The following GPR176 variants were observed in gnomAD, a reference collection of about 807,000 sequenced individuals.
The protein encoded by GPR176 is G-protein coupled receptor 176.
GPR176 carries 26 observed loss-of-function variants against 35.4 expected under a neutral mutation model. That is an observed-to-expected ratio of 0.74 (90% CI 0.54 to 1.02). The LOEUF (loss-of-function observed/expected upper bound fraction) is 1.02. Among genes scored for constraint, GPR176 ranks in the 50% least tolerant of loss-of-function variants. The pLI is 0.00. For synonymous variants in GPR176, 278 were observed against 271.3 expected (o/e 1.02, Z -0.24); for missense variants, 597 against 665.3 (o/e 0.90, Z 1.13).
At chr15:39,825,929 G>A (rs1302415409) in intron 1 of GPR176, among the ~76,000 whole-genome samples, 1 of 152,160 alleles carries the variant, frequency 6.6e-6, no homozygotes, top group Non-Finnish European at 1.5e-5. Flanking sequence ...AAGTAATCCA[G>A]CTGGTTCAGG....
intron 2 of GPR176, 133 bp downstream of exon 2, chr15:39,806,873 A>T: frequency 2.6e-6 from 2 of 767,318 alleles, no homozygotes; most frequent in Non-Finnish European, 4.1e-6. Context: ...TTGCACATTT[A>T]TTCCCTTTCT....
chr15:39,821,972 G>A (rs1900303987), intron 1 of GPR176, among the ~76,000 whole-genome samples: 1 of 152,206 alleles, frequency 6.6e-6, no homozygotes, highest in Non-Finnish European at 1.5e-5. Context: ...GTCACAAAAG[G>A]CATTGCTACT....
At chr15:39,832,165 A>G (rs1180979144) in intron 1 of GPR176, among the ~76,000 whole-genome samples, 2 of 152,188 alleles carry the variant, frequency 1.3e-5, no homozygotes, top group Admixed American at 1.3e-4. Flanking sequence ...AACCACAATG[A>G]TAAACCACTT....
Position 39,801,351 on chromosome 15 carries a change from T to A in GPR176, c.1329A>T (p.Glu443Asp). ...GCAGGGAATACTTATCAGGGAATGT[T>A]TCAGGTTCCACAGGGGCTGCCGGTG... ...QVAPAAPVEP[E>D]TFPDKYSLQF... Residue 443 changes from glutamate to aspartate, a missense_variant, in exon 3 of 3, where the codon GAA becomes GAT. By Grantham distance (45) the Glu-to-Asp change is conservative. Coordinates refer to ENST00000561100, the MANE Select transcript of GPR176 (RefSeq NM_007223.3). 1.9e-6 allele frequency: 3 copies of A among 1,614,134 alleles called. No individual in the cohort carries two copies. The highest frequency in any genetic ancestry group is 2.5e-6 in the Non-Finnish European group (3 of 1,180,000).
chr15:39,907,403 TG>T, intron 1 of GPR176, among the ~76,000 whole-genome samples: 1 of 152,346 alleles, frequency 6.6e-6, no homozygotes, highest in Non-Finnish European at 1.5e-5. Flanking sequence ...GCCCTGAGCT[TG>T]GATCAGCTGA....
chr15:39,884,663 G>A (rs1300866553), intron 1 of GPR176, among the ~76,000 whole-genome samples: 1 of 152,140 alleles, frequency 6.6e-6, no homozygotes, highest in African/African-American at 2.4e-5. Flanking sequence ...TTGTATCCAG[G>A]CAGAATGTAT....
At chr15:39,882,072 G>A (rs2032496055) in intron 1 of GPR176, among the ~76,000 whole-genome samples, 1 of 152,116 alleles carries the variant, frequency 6.6e-6, no homozygotes, top group South Asian at 2.1e-4. Context: ...ACAAAATAAT[G>A]CTTTCTGGAA....
At chr15:39,905,969 G>T (rs138756572) in intron 1 of GPR176, among the ~76,000 whole-genome samples, 1 of 152,142 alleles carries the variant, frequency 6.6e-6, no homozygotes, top group Non-Finnish European at 1.5e-5. Context: ...GCTACCACTG[G>T]GGGAAACTGG....
intron 1 of GPR176, among the ~76,000 whole-genome samples, chr15:39,819,371 T>C (rs1900118608): frequency 6.6e-6 from 1 of 152,216 alleles, no homozygotes; most frequent in South Asian, 2.1e-4. Flanking sequence ...TTAAGGAGCC[T>C]GAAAAGAACC....
At chr15:39,869,106 T>G (rs1421719858) in intron 1 of GPR176, among the ~76,000 whole-genome samples, 1 of 149,568 alleles carries the variant, frequency 6.7e-6, no homozygotes, top group Non-Finnish European at 1.5e-5. Flanking sequence ...CCCCTCTGCA[T>G]TCTGTTCAAG....
chr15:39,850,654 C>A (rs1288277748), intron 1 of GPR176, among the ~76,000 whole-genome samples: 1 of 152,030 alleles, frequency 6.6e-6, no homozygotes, highest in East Asian at 1.9e-4. Context: ...TGTGTCTTGA[C>A]CTATCAATGT....
At chr15:39,897,009 A>G (rs2033133232) in intron 1 of GPR176, among the ~76,000 whole-genome samples, 1 of 152,236 alleles carries the variant, frequency 6.6e-6, no homozygotes, top group Admixed American at 6.5e-5. Flanking sequence ...TACAACCTAT[A>G]TAAAAGACAG....
At chr15:39,823,220 C>T (rs1014137206) in intron 1 of GPR176, among the ~76,000 whole-genome samples, 1 of 152,160 alleles carries the variant, frequency 6.6e-6, no homozygotes, top group Non-Finnish European at 1.5e-5. Flanking sequence ...CTTATCTGAG[C>T]TATAGACCCA....
At position 39,801,935 on chromosome 15, in the gene GPR176, G is replaced by A; in HGVS notation, c.745C>T (p.Gln249Ter). 1 of 1,614,062 alleles carries A rather than the reference G, an allele frequency of 6.2e-7. No homozygotes were observed. The highest frequency in any genetic ancestry group is 2.2e-5 in the East Asian group (1 of 44,880). ...KVIIAALRTP[Q>*]NTISIPYASQ... Reference sequence around the variant, plus strand: ...GCATAGGGAATAGAGATGGTGTTCTGTGGGGTCCGGAGCGCTGCTATGATG... The same window carrying A: ...GCATAGGGAATAGAGATGGTGTTCTATGGGGTCCGGAGCGCTGCTATGATG... The change falls in exon 3 of 3, where the codon CAG (glutamine) becomes TAG (stop). Residue 249 changes from glutamine (Q) to a stop codon, truncating the protein, a stop_gained. Transcript: ENST00000561100. LOFTEE classifies it high-confidence loss of function.
At chr15:39,891,199 C>G (rs1306098628) in intron 1 of GPR176, among the ~76,000 whole-genome samples, 1 of 152,046 alleles carries the variant, frequency 6.6e-6, no homozygotes, top group Non-Finnish European at 1.5e-5. Context: ...AGCAAATAGA[C>G]TAGAGCCTGG....
intron 1 of GPR176, 137 bp from the exon 2 acceptor site, chr15:39,807,395 T>G (rs893095262): frequency 1.4e-6 from 1 of 729,718 alleles, no homozygotes; most frequent in African/African-American, 1.8e-5. Context: ...ATCCTAATAT[T>G]AAAATTTAAC....
chr15:39,819,330 T>C (rs1019630407), intron 1 of GPR176, among the ~76,000 whole-genome samples: 3 of 152,210 alleles, frequency 2.0e-5, no homozygotes, highest in East Asian at 1.9e-4. Context: ...TTAGGCTTCA[T>C]GGGTTATTTC....
chr15:39,882,476 C>T (rs1315527320), intron 1 of GPR176, among the ~76,000 whole-genome samples: 1 of 152,166 alleles, frequency 6.6e-6, no homozygotes, highest in Non-Finnish European at 1.5e-5. Flanking sequence ...TACCAAGAAC[C>T]CAATCTACGG....
At position 39,906,263 on chromosome 15, in the gene GPR176, G is replaced by A. The variant is rs550205692; in HGVS notation, c.172+13592C>T. Among the ~76,000 whole-genome samples, 3 of 152,262 alleles carry A rather than the reference G, an allele frequency of 2.0e-5. No individual in the cohort carries two copies. In the East Asian group the frequency reaches 5.8e-4, roughly 29 times the overall value. On this transcript the variant is annotated intron_variant, in intron 1 of 2. Transcript: ENST00000561100. ...TTGGCTGCAGTCAAAATATTCTATT[G>A]TTTTCAGCCCTTTTTCCACAACCCC...
Sources: gnomAD v4.1 joint callset for allele counts (sites outside exome capture counted in the v4.1 genomes callset) on GRCh38, gnomAD v4.1.1 for gene constraint, MANE v1.5 for transcripts, NCBI Gene and HGNC (gene_info 2026-07-23, HGNC 2026-07-21) for gene names.